PDE4B: variants seen among roughly 807,000 people sequenced by gnomAD.
PDE4B encodes the protein phosphodiesterase 4B, also known as 3',5'-cyclic-AMP phosphodiesterase 4B.
A neutral mutation model predicts 82.2 loss-of-function variants in PDE4B; 20 were observed. That is an observed-to-expected ratio of 0.24 (90% CI 0.17 to 0.35). The LOEUF (loss-of-function observed/expected upper bound fraction) is 0.35. Among genes scored for constraint, PDE4B ranks in the 10% least tolerant of loss-of-function variants. The pLI is 1.00. For synonymous variants in PDE4B, 320 were observed against 318.9 expected, an observed-to-expected ratio of 1.00 and a Z score of -0.04; for missense variants, 655 against 907.2, an observed-to-expected ratio of 0.72 and a Z score of 3.57.
At chr1:65,964,717 C>A (rs1649723151) in intron 3 of PDE4B, among the ~76,000 whole-genome samples, 1 of 152,042 alleles carries the variant, frequency 6.6e-6, no homozygotes, top group Non-Finnish European at 1.5e-5. Flanking sequence ...GCTATCTGAC[C>A]ATTTAAAACC....
intron 1 of PDE4B, among the ~76,000 whole-genome samples, chr1:65,829,555 A>G (rs1646057913): frequency 6.6e-6 from 1 of 152,210 alleles, no homozygotes; most frequent in Non-Finnish European, 1.5e-5. Context: ...TGGGCCATAA[A>G]ACAAACTTTA....
intron 3 of PDE4B, among the ~76,000 whole-genome samples, chr1:66,029,249 T>C (rs1215261405): frequency 3.3e-5 from 5 of 152,154 alleles, no homozygotes; most frequent in African/African-American, 4.8e-5. Context: ...TCGTGAGACA[T>C]ATTCACTATC....
At chr1:65,939,378 A>G (rs1343319635) in intron 3 of PDE4B, among the ~76,000 whole-genome samples, 14 of 152,088 alleles carry the variant, frequency 9.2e-5, no homozygotes, top group Admixed American at 6.6e-5. Flanking sequence ...GTACACAGTG[A>G]TGAGATTTCT....
chr1:65,917,736 A>G (rs1433024409), intron 2 of PDE4B, among the ~76,000 whole-genome samples: 2 of 152,224 alleles, frequency 1.3e-5, no homozygotes, highest in African/African-American at 4.8e-5. Flanking sequence ...TGAATAAAGT[A>G]TACTTCTTTT....
chr1:65,982,565 A>G (rs1650743675), intron 3 of PDE4B, among the ~76,000 whole-genome samples: 2 of 152,204 alleles, frequency 1.3e-5, no homozygotes, highest in Non-Finnish European at 2.9e-5. Flanking sequence ...TCAGCAAAAG[A>G]CAGGAATAGA....
intron 3 of PDE4B, among the ~76,000 whole-genome samples, chr1:66,130,748 T>A (rs1384780777): frequency 6.6e-6 from 1 of 152,186 alleles, no homozygotes; most frequent in East Asian, 1.9e-4. Flanking sequence ...CAGCTCCAGA[T>A]CCTCGGTAGG....
In PDE4B at chr1:66,331,937, A is replaced by G. The variant is rs1660143732; in HGVS notation, c.635-571A>G. On this transcript the variant is annotated intron_variant, in intron 7 of 16. Coordinates refer to ENST00000341517, the MANE Select transcript of PDE4B (RefSeq NM_002600.4). ...TGTGCGGGTCAGTGTTCGCTGAATT[A>G]GAAGTTATTCCAACATGAACACAAT... The G allele has an allele frequency of 4.0e-6, 4 of 996,322 alleles. No homozygotes were observed. The African/African-American group carries it at 7.0e-5, about 17-fold the overall frequency. 61.7% of individuals were successfully genotyped at this position (996,322 alleles called of 1,614,324 possible).
intron 3 of PDE4B, among the ~76,000 whole-genome samples, chr1:66,240,157 A>G (rs1652779574): frequency 6.6e-6 from 1 of 152,232 alleles, no homozygotes; most frequent in Admixed American, 6.5e-5. Context: ...GAGATGACTG[A>G]GTATCACCGT....
At position 65,918,766 on chromosome 1, in the gene PDE4B, T is replaced by A; in HGVS notation, c.212T>A (p.Ile71Asn). Residue 71 changes from isoleucine (I) to asparagine (N), a missense_variant, in exon 3 of 17, where the codon ATT becomes AAT. By Grantham distance (149) the Ile-to-Asn change is moderately radical (BLOSUM62 -3). This residue lies in a region of PDE4B where 253 missense variants were observed against 275.6 expected (regional missense o/e 0.92). Transcript: ENST00000341517. ...GCAAGGACTCCTGAGGGAGATGGTA[T>A]TTCCAGGCCGACCACACTGCCTTTG... Reference protein sequence around the residue: ...ERARTPEGDGISRPTTLPLTT... With the variant: ...ERARTPEGDGNSRPTTLPLTT... 6.2e-7 allele frequency: 1 copy of A among 1,614,178 alleles called. No individual in the cohort carries two copies. Among genetic ancestry groups the A allele is most frequent in the South Asian group, 1.1e-5 (1 of 91,088 alleles).
At chr1:66,084,154 T>C (rs1656884437) in intron 3 of PDE4B, among the ~76,000 whole-genome samples, 1 of 152,004 alleles carries the variant, frequency 6.6e-6, no homozygotes, top group African/African-American at 2.4e-5. Context: ...AGAGAGTACA[T>C]GTTGGGGTGA....
At position 66,106,641 on chromosome 1, in the gene PDE4B, T is replaced by A. The variant is rs188316126; in HGVS notation, c.282-140819T>A. 7.9e-5 allele frequency among the ~76,000 whole-genome samples: 12 copies of A among 152,186 alleles called. 1 individual carries two copies. In the East Asian group the frequency reaches 2.3e-3, roughly 29 times the overall value. ...GCCTGTTATTGGTGTATTCAGAGAT[T>A]CAACTTCTTCCTGGTTTGGTCTTGG... On this transcript the variant is annotated intron_variant, in intron 3 of 16. Transcript: ENST00000341517.
At chr1:65,849,264 G>C (rs1646302532) in intron 1 of PDE4B, among the ~76,000 whole-genome samples, 1 of 152,174 alleles carries the variant, frequency 6.6e-6, no homozygotes. Context: ...TACTCAAGGA[G>C]GGGTTGGGAA....
chr1:66,058,452 C>G (rs1655416919), intron 3 of PDE4B, among the ~76,000 whole-genome samples: 1 of 152,218 alleles, frequency 6.6e-6, no homozygotes. Context: ...GGGGCTCTGA[C>G]TACACATTTC....
intron 3 of PDE4B, among the ~76,000 whole-genome samples, chr1:66,079,210 C>T (rs1157624673): frequency 6.6e-6 from 1 of 151,098 alleles, no homozygotes; most frequent in Admixed American, 6.6e-5. Context: ...CTGTCTCTGT[C>T]TCTTGGTCTC....
intron 3 of PDE4B, among the ~76,000 whole-genome samples, chr1:66,036,403 C>A (rs1252977693): frequency 6.6e-6 from 1 of 152,088 alleles, no homozygotes; most frequent in African/African-American, 2.4e-5. Flanking sequence ...CTGCCCAGAC[C>A]AATATGGGTA....
At chr1:65,884,423 C>T (rs1475733209) in intron 1 of PDE4B, among the ~76,000 whole-genome samples, 1 of 152,042 alleles carries the variant, frequency 6.6e-6, no homozygotes, top group Non-Finnish European at 1.5e-5. Context: ...GCCAAAAGAA[C>T]AAAGCTGGAG....
intron 6 of PDE4B, 55 bp downstream of exon 6, chr1:66,257,918 T>C: frequency 8.9e-7 from 1 of 1,128,610 alleles, no homozygotes; most frequent in South Asian, 1.3e-5. Context: ...GCAAAAAATA[T>C]TGAGCAGCAT....
chr1:66,312,285 A>C (rs1393399849), intron 7 of PDE4B, among the ~76,000 whole-genome samples: 4 of 152,204 alleles, frequency 2.6e-5, no homozygotes, highest in Non-Finnish European at 5.9e-5. Context: ...TACTGCAATA[A>C]ATATTACACA....
At chr1:66,368,095 A>AAAACC (rs1245623517) in intron 15 of PDE4B, 30 bp downstream of exon 15, 7 of 1,608,276 alleles carry the variant, frequency 4.4e-6, no homozygotes, top group Non-Finnish European at 5.9e-6. Flanking sequence ...GATTTAACAC[A>AAAACC]AAACCAAACC....
Sources: allele counts gnomAD v4.1 joint callset (sites outside exome capture counted in the v4.1 genomes callset), GRCh38; gene constraint gnomAD v4.1.1; regional missense constraint gnomAD v4.1.1; transcripts MANE v1.5; gene names NCBI Gene and HGNC (gene_info 2026-07-23, HGNC 2026-07-21).